UBASH3B: variants seen among roughly 807,000 people sequenced by gnomAD.
UBASH3B encodes ubiquitin associated and SH3 domain containing B.
In UBASH3B, 37 loss-of-function variants were observed where a neutral mutation model predicts 83.4. The observed-to-expected ratio is 0.44, with a 90% CI of 0.34 to 0.58. The LOEUF (loss-of-function observed/expected upper bound fraction) is 0.58. UBASH3B is among the 20% of genes least tolerant of loss of function. The pLI is 0.01. For synonymous variants in UBASH3B, 304 were observed against 318.3 expected (o/e 0.96, Z 0.48); for missense variants, 657 against 827.2 (o/e 0.79, Z 2.52).
intron 9 of UBASH3B, chr11:122,797,253 G>A: frequency 2.1e-6 from 1 of 485,122 alleles, no homozygotes; most frequent in Non-Finnish European, 3.6e-6. Flanking sequence ...TTATTGAGGA[G>A]CACGTGATCC....
chr11:122,689,981 G>A (rs1863861410), intron 1 of UBASH3B, among the ~76,000 whole-genome samples: 1 of 151,402 alleles, frequency 6.6e-6, no homozygotes, highest in African/African-American at 2.4e-5. Flanking sequence ...ACCAAACCCC[G>A]CCTTCTTGGG....
At chr11:122,688,664 A>T (rs1290430354) in intron 1 of UBASH3B, among the ~76,000 whole-genome samples, 40 of 87,500 alleles carry the variant, frequency 4.6e-4, no homozygotes, top group African/African-American at 1.5e-3. Flanking sequence ...TATTTTTTTG[A>T]GACGGAGGCT....
rs757832527 is a variant in UBASH3B, at chr11:122,783,165, A to G, written c.714A>G (p.Leu238=). Residue 238 remains leucine (L), a synonymous_variant, in exon 5 of 14, where the codon CTA becomes CTG. Coordinates refer to ENST00000284273, the MANE Select transcript of UBASH3B (RefSeq NM_032873.5). ...EKLAQNIDVK[L]GCDWVATIFS... ...TGGCCCAGAACATTGACGTCAAGCT[A>G]GGGTGTGACTGGGTGGCTACCATAT... 1 of 1,614,148 alleles carries G rather than the reference A, an allele frequency of 6.2e-7. No individual in the cohort carries two copies. The highest frequency in any genetic ancestry group is 8.5e-7 in the Non-Finnish European group (1 of 1,180,010).
At chr11:122,732,123 G>T (rs1860854311) in intron 1 of UBASH3B, among the ~76,000 whole-genome samples, 1 of 152,170 alleles carries the variant, frequency 6.6e-6, no homozygotes, top group South Asian at 2.1e-4. Context: ...GATGACAAAG[G>T]AGCTTCTGTT....
At chr11:122,751,404 G>A (rs1029844435) in intron 1 of UBASH3B, among the ~76,000 whole-genome samples, 3 of 152,138 alleles carry the variant, frequency 2.0e-5, no homozygotes, top group African/African-American at 7.2e-5. Flanking sequence ...CATCTCTGTC[G>A]TCATCTGTCC....
chr11:122,661,033 C>T (rs1373493477), intron 1 of UBASH3B, among the ~76,000 whole-genome samples: 2 of 152,096 alleles, frequency 1.3e-5, no homozygotes, highest in Admixed American at 1.3e-4. Flanking sequence ...CAGAAAAGAA[C>T]TTGGGAAAGT....
intron 1 of UBASH3B, among the ~76,000 whole-genome samples, chr11:122,734,231 T>A (rs924884869): frequency 6.6e-6 from 1 of 152,198 alleles, no homozygotes; most frequent in African/African-American, 2.4e-5. Context: ...CAAAAGCTTT[T>A]GGTTTTCATG....
intron 11 of UBASH3B, among the ~76,000 whole-genome samples, chr11:122,805,464 G>A (rs1054290346): frequency 2.8e-4 from 42 of 152,074 alleles, no homozygotes; most frequent in African/African-American, 8.0e-4. Context: ...CTCAGGAGGC[G>A]GAGGTTGCAG....
At chr11:122,787,752 A>G (rs748964734) in intron 5 of UBASH3B, among the ~76,000 whole-genome samples, 19 of 152,196 alleles carry the variant, frequency 1.2e-4, no homozygotes, top group Non-Finnish European at 2.5e-4. Flanking sequence ...AGATTGTCTC[A>G]TTTAACTTTT....
At chr11:122,727,921 C>A (rs1242133940) in intron 1 of UBASH3B, among the ~76,000 whole-genome samples, 2 of 152,168 alleles carry the variant, frequency 1.3e-5, no homozygotes, top group Non-Finnish European at 2.9e-5. Context: ...CAGTCCCTAT[C>A]CTGAAGGCTC....
intron 1 of UBASH3B, among the ~76,000 whole-genome samples, chr11:122,731,395 CT>C (rs1454367096): frequency 1.3e-5 from 2 of 152,120 alleles, no homozygotes; most frequent in Non-Finnish European, 2.9e-5. Flanking sequence ...AACTTTACGT[CT>C]TCTCTTTGGG....
intron 12 of UBASH3B, among the ~76,000 whole-genome samples, chr11:122,807,005 T>G (rs1276072077): frequency 5.9e-5 from 9 of 152,228 alleles, no homozygotes; most frequent in Admixed American, 2.6e-4. Flanking sequence ...TCACTATCAA[T>G]TTTTTAGTGA....
chr11:122,776,294 T>A, intron 2 of UBASH3B, 22 bp downstream of exon 2: 1 of 1,594,912 alleles, frequency 6.3e-7, no homozygotes, highest in Non-Finnish European at 8.5e-7. Flanking sequence ...ATAAATAAAT[T>A]GAGAAAATAG....
At chr11:122,710,794 A>G (rs1225838412) in intron 1 of UBASH3B, among the ~76,000 whole-genome samples, 2 of 151,402 alleles carry the variant, frequency 1.3e-5, no homozygotes, top group Non-Finnish European at 2.9e-5. Flanking sequence ...CCACTTCCCT[A>G]GAGCTTTTGA....
At chr11:122,797,878 G>C (rs1861181833) in intron 9 of UBASH3B, among the ~76,000 whole-genome samples, 1 of 152,162 alleles carries the variant, frequency 6.6e-6, no homozygotes, top group Admixed American at 6.6e-5. Context: ...TGTGTCTAGA[G>C]TATAAATTGT....
chr11:122,680,960 C>G (rs1405905485), intron 1 of UBASH3B, among the ~76,000 whole-genome samples: 1 of 152,146 alleles, frequency 6.6e-6, no homozygotes, highest in Non-Finnish European at 1.5e-5. Context: ...AGCAGCCGGT[C>G]CCAGGGCAAT....
chr11:122,790,539 C>T (rs559470491), intron 6 of UBASH3B, among the ~76,000 whole-genome samples: 6 of 152,280 alleles, frequency 3.9e-5, no homozygotes, highest in East Asian at 1.9e-4. Context: ...GCAAAATATG[C>T]GTGAATAAAC....
intron 1 of UBASH3B, among the ~76,000 whole-genome samples, chr11:122,747,984 C>T (rs1295017832): frequency 2.6e-5 from 4 of 152,186 alleles, no homozygotes; most frequent in Non-Finnish European, 5.9e-5. Flanking sequence ...ACATACACCA[C>T]GTTACACATG....
chr11:122,724,733 C>G (rs924715568), intron 1 of UBASH3B, among the ~76,000 whole-genome samples: 7 of 152,036 alleles, frequency 4.6e-5, no homozygotes, highest in Non-Finnish European at 8.8e-5. Flanking sequence ...GCCACAGAGG[C>G]ATGACAACTC....
Sources: gnomAD v4.1 joint callset for allele counts (sites outside exome capture counted in the v4.1 genomes callset) on GRCh38, gnomAD v4.1.1 for gene constraint, MANE v1.5 for transcripts, NCBI Gene and HGNC (gene_info 2026-07-23, HGNC 2026-07-21) for gene names.